The following DLD variants were observed in gnomAD, a reference collection of about 807,000 sequenced individuals.
DLD encodes dihydrolipoamide dehydrogenase, also known as dihydrolipoyl dehydrogenase, mitochondrial.
In DLD, 36 loss-of-function variants were observed where a neutral mutation model predicts 62.2. The observed-to-expected ratio is 0.58, with a 90% CI of 0.44 to 0.76. The LOEUF (loss-of-function observed/expected upper bound fraction) is 0.76. DLD is among the 30% of genes least tolerant of loss of function. DLD has a pLI of 0.00. For synonymous variants in DLD, 204 were observed against 199.6 expected (o/e 1.02, Z -0.19); for missense variants, 541 against 608.6 (o/e 0.89, Z 1.17).
chr7:107,891,601 C>T (rs2031577532), intron 1 of DLD: 3 of 546,354 alleles, frequency 5.5e-6, no homozygotes, highest in East Asian at 3.2e-5. Context: ...TAGGCCTCTA[C>T]CTTGGAGGAA....
chr7:107,917,866 C>T (rs965916020), intron 11 of DLD, 58 bp from the exon 12 acceptor site: 7 of 1,607,726 alleles, frequency 4.4e-6, no homozygotes, highest in Non-Finnish European at 6.0e-6. Flanking sequence ...GATGATTTTA[C>T]AAATTGGAAA....
In DLD at chr7:107,905,355, G is replaced by A. The variant is rs369208046; in HGVS notation, c.439-6G>A. On this transcript the variant is annotated splice_region_variant and splice_polypyrimidine_tract_variant and intron_variant, in intron 6 of 13. Coordinates refer to ENST00000205402, the MANE Select transcript of DLD (RefSeq NM_000108.5). ...TTTGTGAATTTATAAAGATTATTTT[G>A]TAAAGGTTGTTCATGTCAATGGATA... 1.2e-4 allele frequency: 200 copies of A among 1,611,120 alleles called. No homozygotes were observed. Among genetic ancestry groups the A allele is most frequent in the African/African-American group, 3.3e-4 (25 of 74,920 alleles).
At position 107,891,288 on chromosome 7, in the gene DLD, A is replaced by G. The variant is rs2031564470; in HGVS notation, c.38A>G (p.Lys13Arg). 3 of 1,613,998 alleles carry G rather than the reference A, an allele frequency of 1.9e-6. No individual in the cohort carries two copies. The highest frequency in any genetic ancestry group is 1.7e-6 in the Non-Finnish European group (2 of 1,179,962). The stretch of plus-strand genomic sequence containing the variant: ...AGTCGTGTGTACTGCTCCTTGGCCA[A>G]GGTGAGGGCCGAGTAGGTGAGGTCG... Reference protein sequence around the residue: ...SWSRVYCSLAKRGHFNRISHG... With the variant: ...SWSRVYCSLARRGHFNRISHG... The change falls in exon 1 of 14, where the codon AAG becomes AGG. Residue 13 changes from lysine to arginine, a missense_variant and splice_region_variant. By Grantham distance (26) the Lys-to-Arg change is conservative. Coordinates refer to ENST00000205402, the MANE Select transcript of DLD (RefSeq NM_000108.5).
intron 4 of DLD, 83 bp downstream of exon 4, chr7:107,902,476 A>C: frequency 8.5e-7 from 1 of 1,170,470 alleles, no homozygotes; most frequent in Admixed American, 1.7e-5. Context: ...GATTAGACAA[A>C]TACACTTGTT....
intron 8 of DLD, among the ~76,000 whole-genome samples, chr7:107,912,856 CA>C (rs529581861): frequency 4.6e-5 from 7 of 152,096 alleles, no homozygotes; most frequent in Non-Finnish European, 1.0e-4. Context: ...TGAGGTCTTA[CA>C]CAGTAAGTCT....
intron 9 of DLD, among the ~76,000 whole-genome samples, chr7:107,915,990 A>T (rs908633881): frequency 6.6e-6 from 1 of 152,194 alleles, no homozygotes; most frequent in African/African-American, 2.4e-5. Context: ...AGGCAGATAC[A>T]TGGGGAAATC....
chr7:107,916,983 T>C lies in DLD; in HGVS notation c.1046+19T>C, dbSNP rs1584473061. On this transcript the variant is annotated intron_variant, in intron 10 of 13. Coordinates refer to ENST00000205402, the MANE Select transcript of DLD (RefSeq NM_000108.5). ...TTCCAAAGTAAGTTGGATAATTGTC[T>C]GCATTTTCAGTAATTTTAAAATTGA... The C allele has an allele frequency of 6.2e-7, 1 of 1,611,136 alleles. No individual in the cohort carries two copies. Among genetic ancestry groups the C allele is most frequent in the Non-Finnish European group, 8.5e-7 (1 of 1,177,592 alleles).
At position 107,891,244 on chromosome 7, in the gene DLD, C is replaced by G. The variant is rs761428885; in HGVS notation, c.-7C>G. The G allele has an allele frequency of 3.7e-5, 59 of 1,613,970 alleles. No individual in the cohort carries two copies. The South Asian group carries it at 5.8e-4, about 16-fold the overall frequency. ...AGTATTGGCGGAAAGGAAAATACAG[C>G]GGAAAAATGCAGAGCTGGAGTCGTG... On this transcript the variant is annotated 5_prime_UTR_variant, in exon 1 of 14. Transcript: ENST00000205402.
chr7:107,917,516 T>C (rs1418307636), intron 11 of DLD, 54 bp downstream of exon 11: 1 of 1,537,692 alleles, frequency 6.5e-7, no homozygotes, highest in African/African-American at 1.4e-5. Context: ...GCCAATGACA[T>C]TGGTGGTTGA....
chr7:107,903,097 A>G (rs958061132), intron 4 of DLD, among the ~76,000 whole-genome samples: 1 of 152,182 alleles, frequency 6.6e-6, no homozygotes, highest in African/African-American at 2.4e-5. Context: ...TTGTGATGAG[A>G]ACATTTGAAA....
chr7:107,905,036 C>T lies in DLD; in HGVS notation c.416C>T (p.Ala139Val). 1.2e-6 allele frequency: 2 copies of T among 1,610,078 alleles called. No individual in the cohort carries two copies. Among genetic ancestry groups the T allele is most frequent in the Non-Finnish European group, 1.7e-6 (2 of 1,176,804 alleles). ...GTAAAAGCTTTAACAGGTGGAATTG[C>T]CCACTTATTCAAACAGAATAAGGTC... ...TAVKALTGGI[A>V]HLFKQNKVVH... Residue 139 changes from alanine to valine, a missense_variant, in exon 6 of 14, where the codon GCC (alanine) becomes GTC (valine). Coordinates refer to ENST00000205402, the MANE Select transcript of DLD (RefSeq NM_000108.5).
chr7:107,921,110 A>G lies in DLD; in HGVS notation c.*1851A>G, dbSNP rs2032399971. 1 of 152,348 alleles carries G rather than the reference A, an allele frequency of 6.6e-6. No homozygotes were observed. Among genetic ancestry groups the G allele is most frequent in the Non-Finnish European group, 1.5e-5 (1 of 68,034 alleles). 9.4% of individuals were successfully genotyped at this position (152,348 alleles called of 1,614,324 possible). On this transcript the variant is annotated 3_prime_UTR_variant, in exon 14 of 14. Transcript: ENST00000205402. ...GAATTCTAGCTGTAGAGTTAAATCC[A>G]TCTTTAAGTGTTTACATTCAGTATG...
intron 8 of DLD, among the ~76,000 whole-genome samples, chr7:107,909,920 C>T (rs2032100228): frequency 6.8e-6 from 1 of 147,882 alleles, no homozygotes; most frequent in Non-Finnish European, 1.5e-5. Context: ...GATCTCGGCT[C>T]ACTGCAGCCT....
rs57531840 is a variant in DLD, at chr7:107,911,944, G to C, written c.685-3562G>C. Among the ~76,000 whole-genome samples the C allele has an allele frequency of 4.9e-3, 746 of 151,778 alleles. 3 individuals carry two copies. The highest frequency in any genetic ancestry group is 0.017 in the African/African-American group (706 of 41,414). The stretch of plus-strand genomic sequence containing the variant: ...ATTTATTCTGTCTAATTGTATATTT[G>C]TACTGATGAATCAACCTCTCTTCAT... On this transcript the variant is annotated intron_variant, in intron 8 of 13. Coordinates refer to ENST00000205402, the MANE Select transcript of DLD (RefSeq NM_000108.5).
intron 2 of DLD, among the ~76,000 whole-genome samples, chr7:107,899,156 G>A (rs2031812518): frequency 6.6e-6 from 1 of 151,968 alleles, no homozygotes; most frequent in African/African-American, 2.4e-5. Context: ...GTGCAGACGT[G>A]TGTATACTTC....
chr7:107,901,586 G>A, intron 2 of DLD, 152 bp from the exon 3 acceptor site: 1 of 659,486 alleles, frequency 1.5e-6, no homozygotes, highest in Non-Finnish European at 2.7e-6. Flanking sequence ...GCATCAAGTA[G>A]TAGTAATAAA....
intron 8 of DLD, among the ~76,000 whole-genome samples, chr7:107,914,557 G>A (rs1051906419): frequency 1.8e-4 from 27 of 152,082 alleles, no homozygotes; most frequent in Non-Finnish European, 3.7e-4. Flanking sequence ...TTATATATAC[G>A]TATTGTTAGA....
intron 2 of DLD, 143 bp from the exon 3 acceptor site, chr7:107,901,590 TAATAA>T (rs2116206017): frequency 4.4e-6 from 3 of 675,778 alleles, no homozygotes; most frequent in South Asian, 3.3e-5. Context: ...CAAGTAGTAG[TAATAA>T]AATAGTGCAG....
chr7:107,903,539 GA>G lies in DLD; in HGVS notation c.331del (p.Ile111LeufsTer8). 6.3e-7 allele frequency: 1 copy of G among 1,586,582 alleles called. No homozygotes were observed. Among genetic ancestry groups the G allele is most frequent in the Non-Finnish European group, 8.7e-7 (1 of 1,155,934 alleles). On this transcript the variant is annotated frameshift_variant, in exon 5 of 14. Coordinates refer to ENST00000205402, the MANE Select transcript of DLD (RefSeq NM_000108.5). LOFTEE classifies it high-confidence loss of function. Reference sequence around the variant, plus strand: ...CATGGAAAAGATTTTGCATCTAGAGGAATTGAAAGTAAGTATACTTTTCATG... The same window carrying G: ...CATGGAAAAGATTTTGCATCTAGAGGATTGAAAGTAAGTATACTTTTCATG... ...MAHGKDFASR[G>X]IEMSEVRLNL...
Sources: allele counts gnomAD v4.1 joint callset (sites outside exome capture counted in the v4.1 genomes callset), GRCh38; gene constraint gnomAD v4.1.1; transcripts MANE v1.5; gene names NCBI Gene and HGNC (gene_info 2026-07-23, HGNC 2026-07-21).